The following CMSS1 variants were observed in gnomAD, a reference collection of about 807,000 sequenced individuals.
CMSS1 encodes protein CMSS1.
A neutral mutation model predicts 43.5 loss-of-function variants in CMSS1; 33 were observed. That is an observed-to-expected ratio of 0.76 (90% CI 0.57 to 1.01). The LOEUF is 1.01. Among genes scored for constraint, CMSS1 ranks in the 50% least tolerant of loss-of-function variants. CMSS1 has a pLI of 0.00. For missense variants in CMSS1, 313 were observed against 326.4 expected (o/e 0.96, Z 0.32); for synonymous variants, 115 against 117.2 (o/e 0.98, Z 0.12).
intron 1 of CMSS1, among the ~76,000 whole-genome samples, chr3:99,891,123 A>G (rs1281482617): frequency 6.6e-6 from 1 of 151,410 alleles, no homozygotes; most frequent in East Asian, 1.9e-4. Context: ...CTAGCTTGTT[A>G]GTATACCTTC....
At chr3:100,111,966 C>T (rs1216558042) in intron 1 of CMSS1, among the ~76,000 whole-genome samples, 1 of 152,188 alleles carries the variant, frequency 6.6e-6, no homozygotes, top group African/African-American at 2.4e-5. Flanking sequence ...GATTCCTACA[C>T]TCAGGGCATC....
At chr3:100,140,873 C>T (rs1300120418) in intron 1 of CMSS1, among the ~76,000 whole-genome samples, 5 of 151,740 alleles carry the variant, frequency 3.3e-5, no homozygotes, top group Admixed American at 2.0e-4. Context: ...ACAGTACTGC[C>T]CCAACCACAG....
At chr3:100,106,017 G>C (rs2066389049) in intron 1 of CMSS1, among the ~76,000 whole-genome samples, 1 of 152,152 alleles carries the variant, frequency 6.6e-6, no homozygotes, top group African/African-American at 2.4e-5. Context: ...GAGTCTAGAA[G>C]TCAAGACAGA....
At chr3:99,822,180 A>G (rs969311607) in intron 1 of CMSS1, among the ~76,000 whole-genome samples, 1 of 152,232 alleles carries the variant, frequency 6.6e-6, no homozygotes, top group Non-Finnish European at 1.5e-5. Context: ...GCAGCTAAGT[A>G]TGTGAGTCTG....
chr3:100,090,299 A>G (rs1185679632), intron 1 of CMSS1, among the ~76,000 whole-genome samples: 9 of 152,354 alleles, frequency 5.9e-5, no homozygotes, highest in Non-Finnish European at 1.2e-4. Context: ...AAGATAGTCA[A>G]GGGAACATTA....
At chr3:99,990,630 GA>G in intron 1 of CMSS1, among the ~76,000 whole-genome samples, 1 of 152,160 alleles carries the variant, frequency 6.6e-6, no homozygotes, top group African/African-American at 2.4e-5. Flanking sequence ...AATTAAATCA[GA>G]ATCTTAGAGA....
intron 1 of CMSS1, among the ~76,000 whole-genome samples, chr3:99,955,127 A>AAAAAC: frequency 6.6e-6 from 1 of 152,224 alleles, no homozygotes; most frequent in South Asian, 2.1e-4. Context: ...AAGTGGTTTC[A>AAAAAC]AGGCCCCTTT....
chr3:100,032,693 A>C (rs2065040325), intron 1 of CMSS1, among the ~76,000 whole-genome samples: 1 of 152,204 alleles, frequency 6.6e-6, no homozygotes, highest in South Asian at 2.1e-4. Flanking sequence ...CATTTTTTAA[A>C]ATAGTATGAA....
intron 1 of CMSS1, among the ~76,000 whole-genome samples, chr3:99,889,626 G>T (rs75821342): frequency 1.1e-3 from 171 of 151,650 alleles, no homozygotes; most frequent in Non-Finnish European, 1.9e-3. Flanking sequence ...CCACCTTTTT[G>T]TTGCTTTTAT....
chr3:100,161,076 G>A (rs2107526272), intron 3 of CMSS1, among the ~76,000 whole-genome samples: 1 of 152,304 alleles, frequency 6.6e-6, no homozygotes. Context: ...CAGCCTTGGA[G>A]AAAGTATGGT....
chr3:100,145,467 T>G (rs1463644767), intron 1 of CMSS1, among the ~76,000 whole-genome samples: 6 of 151,514 alleles, frequency 4.0e-5, no homozygotes, highest in Admixed American at 6.6e-5. Flanking sequence ...AAAGTATACA[T>G]ATTAGTCAGG....
chr3:100,059,516 G>C (rs1320917726), intron 1 of CMSS1, among the ~76,000 whole-genome samples: 1 of 152,194 alleles, frequency 6.6e-6, no homozygotes, highest in Non-Finnish European at 1.5e-5. Flanking sequence ...CCCTGAGGAG[G>C]TGAGGAGATG....
chr3:100,080,851 G>T (rs2065921707), intron 1 of CMSS1, among the ~76,000 whole-genome samples: 1 of 152,176 alleles, frequency 6.6e-6, no homozygotes, highest in Non-Finnish European at 1.5e-5. Flanking sequence ...ATTTTAGGAT[G>T]GATGTGTACA....
intron 1 of CMSS1, among the ~76,000 whole-genome samples, chr3:100,089,381 C>T (rs1310133844): frequency 6.6e-6 from 1 of 152,192 alleles, no homozygotes; most frequent in African/African-American, 2.4e-5. Flanking sequence ...CTTTCCTACT[C>T]AACAATGCTA....
rs188321325 is a variant in CMSS1, at chr3:100,170,675, A to G, written c.519-1164A>G. On this transcript the variant is annotated intron_variant, in intron 6 of 9. Transcript: ENST00000421999. ...CAGATAATGTTATGTGGCTGTTTAT[A>G]GAGCAGCTGTTGGTGCCAGCTGAGG... Among the ~76,000 whole-genome samples, 811 of 152,360 alleles carry G rather than the reference A, an allele frequency of 5.3e-3. 13 individuals carry two copies. Among genetic ancestry groups the G allele is most frequent in the African/African-American group, 0.018 (766 of 41,574 alleles).
At chr3:100,007,305 AT>A (rs1559722978) in intron 1 of CMSS1, among the ~76,000 whole-genome samples, 1 of 152,098 alleles carries the variant, frequency 6.6e-6, no homozygotes, top group Non-Finnish European at 1.5e-5. Context: ...ATTTCCTGAA[AT>A]TTTTATTTGA....
intron 1 of CMSS1, chr3:99,929,836 A>C (rs1326248872): frequency 1.3e-6 from 2 of 1,576,182 alleles, no homozygotes; most frequent in South Asian, 2.4e-5. Context: ...CCAGGTACAC[A>C]CCCCTATTGT....
chr3:99,886,571 T>A (rs1301528693), intron 1 of CMSS1, among the ~76,000 whole-genome samples: 3 of 151,214 alleles, frequency 2.0e-5, no homozygotes, highest in African/African-American at 4.9e-5. Flanking sequence ...TTTGGGGGGG[T>A]AGATAGAACA....
At chr3:100,018,612 CA>C (rs913919974) in intron 1 of CMSS1, among the ~76,000 whole-genome samples, 11 of 145,920 alleles carry the variant, frequency 7.5e-5, no homozygotes, top group African/African-American at 1.3e-4. Flanking sequence ...TAGTAGAAAA[CA>C]AAAAAAAATG....
Sources: allele counts gnomAD v4.1 joint callset (sites outside exome capture counted in the v4.1 genomes callset), GRCh38; gene constraint gnomAD v4.1.1; transcripts MANE v1.5; gene names NCBI Gene and HGNC (gene_info 2026-07-23, HGNC 2026-07-21).